The following PIK3C3 variants were observed in gnomAD, a reference collection of about 807,000 sequenced individuals.
PIK3C3 encodes phosphatidylinositol 3-kinase catalytic subunit type 3, also known as PI3-kinase type 3.
PIK3C3 carries 95 observed loss-of-function variants against 126.1 expected under a neutral mutation model. The observed-to-expected ratio is 0.75, with a 90% CI of 0.64 to 0.89. PIK3C3 has a LOEUF of 0.89. Among genes scored for constraint, PIK3C3 ranks in the 40% least tolerant of loss-of-function variants. PIK3C3 has a pLI of 0.00. For missense variants in PIK3C3, 829 were observed against 1,063.2 expected, an observed-to-expected ratio of 0.78 and a Z score of 3.06; for synonymous variants, 374 against 360.0, an observed-to-expected ratio of 1.04 and a Z score of -0.44.
At position 42,027,562 on chromosome 18, in the gene PIK3C3, G is replaced by GTGAGGT. The variant is rs746171404; in HGVS notation, c.1590+19_1590+20insTTGAGG. The stretch of plus-strand genomic sequence containing the variant: ...GCATTGTTGAAGGTAACCCTTAAAT[G>GTGAGGT]TGAGGGTTGGCAAACTGCAGCACAT... On this transcript the variant is annotated intron_variant, in intron 14 of 24. Transcript: ENST00000262039. The GTGAGGT allele has an allele frequency of 6.6e-7, 1 of 1,522,632 alleles. No individual in the cohort carries two copies. Among genetic ancestry groups the GTGAGGT allele is most frequent in the East Asian group, 2.3e-5 (1 of 43,918 alleles). The allele number at this position is 1,522,632 out of a possible 1,614,324, so 94.3% of individuals were successfully genotyped here.
chr18:42,041,958 C>T (rs2144474401), intron 19 of PIK3C3, among the ~76,000 whole-genome samples: 1 of 152,308 alleles, frequency 6.6e-6, no homozygotes, highest in South Asian at 2.1e-4. Flanking sequence ...CCTAAGGTTG[C>T]AATCTTTGGA....
chr18:42,040,795 A>G, intron 19 of PIK3C3, 54 bp downstream of exon 19: 1 of 1,204,184 alleles, frequency 8.3e-7, no homozygotes, highest in Non-Finnish European at 1.2e-6. Flanking sequence ...GTCATAAAAA[A>G]TTCAGTCTTT....
chr18:42,007,443 A>T (rs1329041763), intron 10 of PIK3C3, among the ~76,000 whole-genome samples: 1 of 152,106 alleles, frequency 6.6e-6, no homozygotes, highest in Non-Finnish European at 1.5e-5. Context: ...CCAGAATCTT[A>T]AGTGGAATTA....
Position 41,970,443 on chromosome 18 carries a change from G to A in PIK3C3, c.518G>A (p.Ser173Asn), listed in dbSNP as rs773653046. 1.7e-5 allele frequency: 27 copies of A among 1,613,764 alleles called. No homozygotes were observed. Among genetic ancestry groups the A allele is most frequent in the Non-Finnish European group, 2.0e-5 (24 of 1,179,924 alleles). ...AGCACTCTCTCAGAAGATCAGATGAGCCGTCTTGCCAAGGTAAAAAAAGTC... is the reference window on the plus strand; with the variant it reads ...AGCACTCTCTCAGAAGATCAGATGAACCGTCTTGCCAAGGTAAAAAAAGTC... ...TSSTLSEDQM[S>N]RLAKLTKAHR... Residue 173 changes from serine to asparagine, a missense_variant, in exon 4 of 25, where the codon AGC (serine) becomes AAC (asparagine). By Grantham distance (46) the Ser-to-Asn change is conservative. Around this residue, in one of 4 missense-constraint regions of PIK3C3, gnomAD observed 313 missense variants for 340.7 expected, o/e 0.92. Transcript: ENST00000262039.
intron 4 of PIK3C3, chr18:41,971,394 A>C (rs1303946429): frequency 1.3e-5 from 2 of 152,126 alleles, no homozygotes; most frequent in Non-Finnish European, 2.9e-5. Flanking sequence ...TTCAACACAG[A>C]ATTTTTGTCA....
chr18:42,025,055 GC>G (rs1426087570), intron 13 of PIK3C3, among the ~76,000 whole-genome samples: 1 of 150,720 alleles, frequency 6.6e-6, no homozygotes, highest in Non-Finnish European at 1.5e-5. Context: ...CTCATGATCC[GC>G]CCACCTTGGC....
intron 4 of PIK3C3, among the ~76,000 whole-genome samples, chr18:41,975,613 T>C (rs1212363937): frequency 2.6e-5 from 4 of 152,178 alleles, no homozygotes; most frequent in African/African-American, 9.7e-5. Context: ...GTCTTCATGA[T>C]ATTGTTGATT....
At chr18:42,029,186 C>G (rs550850545) in intron 14 of PIK3C3, 139 bp from the exon 15 acceptor site, 1 of 576,714 alleles carries the variant, frequency 1.7e-6, no homozygotes, top group East Asian at 2.9e-5. Context: ...ATTTTTGAAT[C>G]AAGATAATCT....
chr18:42,015,006 T>G (rs1598897158), intron 11 of PIK3C3, among the ~76,000 whole-genome samples: 1 of 152,214 alleles, frequency 6.6e-6, no homozygotes, highest in East Asian at 1.9e-4. Context: ...CTATTCAGAA[T>G]TTTATGATGG....
rs1475343213 is a variant in PIK3C3 at position 41,996,703 on chromosome 18, T to C, written c.957T>C (p.Phe319=). 1 of 1,563,116 alleles carries C rather than the reference T, an allele frequency of 6.4e-7. No homozygotes were observed. Among genetic ancestry groups the C allele is most frequent in the Non-Finnish European group, 8.7e-7 (1 of 1,147,770 alleles). ...TYEEQDLVWK[F]RYYLTNQEKA... Reference sequence around the variant, plus strand: ...AAGAACAAGATCTTGTTTGGAAGTTTAGATATTATCTTACGAATCAAGAAA... The same window carrying C: ...AAGAACAAGATCTTGTTTGGAAGTTCAGATATTATCTTACGAATCAAGAAA... The change falls in exon 9 of 25, where the codon TTT becomes TTC. Residue 319 remains phenylalanine, a synonymous_variant. Transcript: ENST00000262039.
At chr18:42,062,348 C>G (rs530986) in intron 22 of PIK3C3, among the ~76,000 whole-genome samples, 4,163 of 151,598 alleles carry the variant, frequency 0.027, 191 homozygotes, top group African/African-American at 0.095. Context: ...AAGGGCTTAT[C>G]TAACCTGTGG....
rs750356474 is a variant in PIK3C3 at position 42,049,620 on chromosome 18, C to T, written c.2263+15C>T. 6.4e-7 allele frequency: 1 copy of T among 1,568,006 alleles called. No homozygotes were observed. Among genetic ancestry groups the T allele is most frequent in the East Asian group, 2.2e-5 (1 of 44,668 alleles). Reference sequence around the variant, plus strand: ...AACAAAAACAGGTAACAATTAATGACTACCAGTAGACATACATTGTATATG... The same window carrying T: ...AACAAAAACAGGTAACAATTAATGATTACCAGTAGACATACATTGTATATG... On this transcript the variant is annotated intron_variant, in intron 21 of 24. Coordinates refer to ENST00000262039, the MANE Select transcript of PIK3C3 (RefSeq NM_002647.4).
intron 6 of PIK3C3, among the ~76,000 whole-genome samples, chr18:41,991,871 T>C (rs1203743960): frequency 6.6e-6 from 1 of 152,174 alleles, no homozygotes; most frequent in East Asian, 1.9e-4. Flanking sequence ...ACAAGGGAAA[T>C]GTGAGTGAAA....
chr18:42,001,737 T>C (rs867523079), intron 9 of PIK3C3, among the ~76,000 whole-genome samples: 17 of 152,158 alleles, frequency 1.1e-4, no homozygotes, highest in Admixed American at 2.0e-4. Context: ...AAGTTTTAGA[T>C]TGTTTCAGTT....
At chr18:42,079,766 C>T (rs1986170554) in intron 24 of PIK3C3, among the ~76,000 whole-genome samples, 1 of 152,138 alleles carries the variant, frequency 6.6e-6, no homozygotes, top group Non-Finnish European at 1.5e-5. Flanking sequence ...TAGACTCCCT[C>T]GTATGTTAGT....
At chr18:41,961,812 T>C (rs1314486984) in intron 2 of PIK3C3, among the ~76,000 whole-genome samples, 3 of 151,986 alleles carry the variant, frequency 2.0e-5, no homozygotes, top group South Asian at 2.1e-4. Flanking sequence ...ATATAGAGGG[T>C]TTAAAAAAAA....
At chr18:41,966,185 T>C (rs1980354183) in intron 3 of PIK3C3, among the ~76,000 whole-genome samples, 1 of 144,592 alleles carries the variant, frequency 6.9e-6, no homozygotes, top group African/African-American at 2.6e-5. Context: ...TCCTTTTTTT[T>C]TTTTTTTTTT....
rs117851865 is a variant in PIK3C3, at chr18:41,965,566, C to T, written c.401+2934C>T. Among the ~76,000 whole-genome samples, 888 of 152,268 alleles carry T rather than the reference C, an allele frequency of 5.8e-3. 5 individuals carry two copies. The highest frequency in any genetic ancestry group is 9.6e-3 in the Non-Finnish European group (655 of 68,016). ...CTGGGTTCTCACTAACTCAGTGTGTCTGTGGTGGGGCCCAAGAATCAGCAT... is the reference window on the plus strand; with the variant it reads ...CTGGGTTCTCACTAACTCAGTGTGTTTGTGGTGGGGCCCAAGAATCAGCAT... On this transcript the variant is annotated intron_variant, in intron 3 of 24. Coordinates refer to ENST00000262039, the MANE Select transcript of PIK3C3 (RefSeq NM_002647.4).
intron 12 of PIK3C3, among the ~76,000 whole-genome samples, chr18:42,019,836 C>T (rs1253795377): frequency 6.6e-6 from 1 of 152,120 alleles, no homozygotes; most frequent in Non-Finnish European, 1.5e-5. Flanking sequence ...AGATAGGCAG[C>T]TTTTTGTCTG....
Sources: allele counts gnomAD v4.1 joint callset (sites outside exome capture counted in the v4.1 genomes callset), GRCh38; gene constraint gnomAD v4.1.1; regional missense constraint gnomAD v4.1.1; transcripts MANE v1.5; gene names NCBI Gene and HGNC (gene_info 2026-07-23, HGNC 2026-07-21).